The following BUB1 variants were observed in gnomAD, a reference collection of about 807,000 sequenced individuals.
BUB1 encodes the protein mitotic checkpoint serine/threonine-protein kinase BUB1.
A neutral mutation model predicts 135.2 loss-of-function variants in BUB1; 84 were observed. The observed-to-expected ratio is 0.62, with a 90% CI of 0.52 to 0.74. The LOEUF is 0.74. Among genes scored for constraint, BUB1 ranks in the 30% least tolerant of loss-of-function variants. The pLI is 0.00. For synonymous variants in BUB1, 403 were observed against 434.4 expected, an observed-to-expected ratio of 0.93 and a Z score of 0.90; for missense variants, 1,162 against 1,288.3, an observed-to-expected ratio of 0.90 and a Z score of 1.50.
chr2:110,672,293 A>G (rs957741842), intron 4 of BUB1, among the ~76,000 whole-genome samples: 7 of 152,216 alleles, frequency 4.6e-5, no homozygotes, highest in African/African-American at 1.2e-4. Flanking sequence ...TCAATGTCCA[A>G]TTGGAGAGTG....
At chr2:110,638,935 T>G (rs1417956655) in intron 24 of BUB1, among the ~76,000 whole-genome samples, 1 of 152,170 alleles carries the variant, frequency 6.6e-6, no homozygotes, top group Non-Finnish European at 1.5e-5. Context: ...TCTTTTTTTT[T>G]TGTGGGGGCT....
At position 110,657,136 on chromosome 2, in the gene BUB1, A is replaced by T; in HGVS notation, c.1617-19T>A. The stretch of plus-strand genomic sequence containing the variant: ...TGGTAATCTAAGGAAAGATTTGCTA[A>T]ATTATAAATAGTAAAATATGCTAAG... On this transcript the variant is annotated intron_variant, in intron 14 of 24. Transcript: ENST00000302759. The T allele has an allele frequency of 6.3e-7, 1 of 1,586,450 alleles. No homozygotes were observed. Among genetic ancestry groups the T allele is most frequent in the East Asian group, 2.2e-5 (1 of 44,684 alleles).
intron 10 of BUB1, chr2:110,660,885 T>C (rs1448132159): frequency 6.6e-6 from 1 of 152,260 alleles, no homozygotes; most frequent in Admixed American, 6.5e-5. Context: ...TATCACACTT[T>C]AAGTGCACTT....
At chr2:110,640,961 C>A (rs1465264308) in intron 23 of BUB1, 73 bp downstream of exon 23, 3 of 1,466,748 alleles carry the variant, frequency 2.0e-6, no homozygotes, top group Non-Finnish European at 1.8e-6. Flanking sequence ...ACCTAGATCC[C>A]CAAATTCATT....
chr2:110,674,470 C>T lies in BUB1; in HGVS notation c.27-105G>A, dbSNP rs548608442. ...CATTTATGTGCATTAAAACAAAAAT[C>T]TTAAATATCAATCATTTTATATATA... On this transcript the variant is annotated intron_variant, in intron 1 of 24. Coordinates refer to ENST00000302759, the MANE Select transcript of BUB1 (RefSeq NM_004336.5). 5.9e-4 allele frequency: 576 copies of T among 977,588 alleles called. 2 individuals are homozygous for T. In the African/African-American group the frequency reaches 6.0e-3, roughly 10 times the overall value. The allele number at this position is 977,588 out of a possible 1,614,324, so 60.6% of individuals were successfully genotyped here.
At chr2:110,657,379 G>A (rs891996848) in intron 14 of BUB1, among the ~76,000 whole-genome samples, 167 bp downstream of exon 14, 1 of 152,074 alleles carries the variant, frequency 6.6e-6, no homozygotes, top group African/African-American at 2.4e-5. Flanking sequence ...ATGAATTCCT[G>A]CAGTACTGTA....
rs369472330 is a variant in BUB1, at chr2:110,672,763, C to T, written c.320G>A (p.Gly107Glu). 231 of 1,613,966 alleles carry T rather than the reference C, an allele frequency of 1.4e-4. No individual in the cohort carries two copies. Among genetic ancestry groups the T allele is most frequent in the Non-Finnish European group, 1.9e-4 (221 of 1,180,002 alleles). The change falls in exon 4 of 25, where the codon GGG becomes GAG. Residue 107 changes from glycine to glutamate, a missense_variant. Transcript: ENST00000302759. ...CAGCTCTCCTTGGGCTTCCAGATGC[C>T]CCGCCCAGGCAATGTACAGAGGGGA... ...LSSPLYIAWA[G>E]HLEAQGELQH... is the part of the protein sequence containing the mutation.
chr2:110,651,504 A>G (rs1689786068), intron 17 of BUB1, among the ~76,000 whole-genome samples: 1 of 152,230 alleles, frequency 6.6e-6, no homozygotes, highest in Non-Finnish European at 1.5e-5. Flanking sequence ...CAAAAAGATA[A>G]AACTTTTTAA....
chr2:110,663,353 TAG>T (rs1363189846), intron 9 of BUB1, among the ~76,000 whole-genome samples: 8 of 152,220 alleles, frequency 5.3e-5, no homozygotes, highest in Admixed American at 2.6e-4. Context: ...AGCAAAGGTA[TAG>T]ATATTTTAGA....
intron 19 of BUB1, among the ~76,000 whole-genome samples, chr2:110,647,094 T>C (rs952081437): frequency 6.6e-6 from 1 of 152,230 alleles, no homozygotes; most frequent in African/African-American, 2.4e-5. Flanking sequence ...CACTAGTGAA[T>C]TCTGTCAAAC....
intron 19 of BUB1, among the ~76,000 whole-genome samples, chr2:110,645,078 T>C (rs1177373681): frequency 6.6e-6 from 1 of 151,998 alleles, no homozygotes; most frequent in African/African-American, 2.4e-5. Context: ...ACTTTAAATA[T>C]CAGTGGTCTA....
intron 3 of BUB1, 28 bp from the exon 4 acceptor site, chr2:110,672,885 A>G: frequency 6.5e-7 from 1 of 1,537,798 alleles, no homozygotes; most frequent in Non-Finnish European, 8.8e-7. Context: ...AAAAAGACAT[A>G]AGAATAATGG....
chr2:110,676,835 G>T (rs1309766400), intron 1 of BUB1, among the ~76,000 whole-genome samples: 1 of 151,914 alleles, frequency 6.6e-6, no homozygotes, highest in African/African-American at 2.4e-5. Context: ...ATGTGACAGA[G>T]TGGGACAGTA....
intron 9 of BUB1, among the ~76,000 whole-genome samples, chr2:110,665,524 CAG>C (rs1475129449): frequency 2.7e-5 from 4 of 150,024 alleles, no homozygotes; most frequent in African/African-American, 9.9e-5. Flanking sequence ...GCATGGGTGA[CAG>C]AGCAAGACCC....
intron 9 of BUB1, among the ~76,000 whole-genome samples, chr2:110,665,571 T>TTGTGTGTGTGTGTGTG (rs34442113): frequency 7.1e-6 from 1 of 141,082 alleles, no homozygotes. Context: ...AAAAGAATGT[T>TTGTGTGTGTGTGTGTG]TGTGTGTGTG....
intron 1 of BUB1, among the ~76,000 whole-genome samples, chr2:110,677,379 T>C (rs1458069617): frequency 6.6e-6 from 1 of 152,200 alleles, no homozygotes; most frequent in Non-Finnish European, 1.5e-5. Context: ...AGTAACAGTC[T>C]GGGTAAATCA....
At chr2:110,666,089 C>T in intron 9 of BUB1, 174 bp downstream of exon 9, 1 of 552,952 alleles carries the variant, frequency 1.8e-6, no homozygotes, top group Non-Finnish European at 2.7e-6. Context: ...TGTTTTGTAA[C>T]TTTCCACTCT....
Position 110,660,000 on chromosome 2 carries a change from CTG to C in BUB1, c.1252_1253del (p.Gln418GlufsTer10), listed in dbSNP as rs752392603. 6.2e-7 allele frequency: 1 copy of C among 1,611,744 alleles called. No individual in the cohort carries two copies. The highest frequency in any genetic ancestry group is 1.3e-5 in the African/African-American group (1 of 74,886). On this transcript the variant is annotated frameshift_variant, in exon 11 of 25. Transcript: ENST00000302759. LOFTEE classifies it high-confidence loss of function. The part of the protein sequence containing the change: ...VNKSTHEFKP[Q>X]SGAEIKEGCE... ...TACCTTCTTTGATCTCTGCTCCACT[CTG>C]TGGCTTGAATTCATGAGTACTCTTA...
chr2:110,666,939 A>G (rs1038146522), intron 8 of BUB1, among the ~76,000 whole-genome samples: 1 of 152,196 alleles, frequency 6.6e-6, no homozygotes, highest in Non-Finnish European at 1.5e-5. Flanking sequence ...CAGCATGTGA[A>G]AGAAAAACAC....
Sources: gnomAD v4.1 joint callset for allele counts (sites outside exome capture counted in the v4.1 genomes callset) on GRCh38, gnomAD v4.1.1 for gene constraint, MANE v1.5 for transcripts, NCBI Gene and HGNC (gene_info 2026-07-23, HGNC 2026-07-21) for gene names.